Variants in TLCD3B observed in about 807,000 individuals in gnomAD.
The protein encoded by TLCD3B is TLC domain containing 3B, also known as ceramide synthase.
TLCD3B carries 9 observed loss-of-function variants against 23.0 expected under a neutral mutation model. The ratio of observed to expected loss-of-function variants is 0.39; its 90% CI spans 0.24 to 0.68. The LOEUF is 0.68. Ranked by LOEUF, TLCD3B falls within the 30% of genes least tolerant of loss-of-function variation. TLCD3B has a pLI of 0.44. For missense variants in TLCD3B, 307 were observed against 371.8 expected, an observed-to-expected ratio of 0.83 and a Z score of 1.43; for synonymous variants, 161 against 161.0, an observed-to-expected ratio of 1.00 and a Z score of 0.00.
chr16:30,042,018 C>T (rs1041895517), intron 2 of TLCD3B, among the ~76,000 whole-genome samples: 2 of 152,246 alleles, frequency 1.3e-5, no homozygotes, highest in Middle Eastern at 3.4e-3. Flanking sequence ...CATTATTGTT[C>T]CCCTAAGGAG....
Position 30,030,659 on chromosome 16 carries a change from G to T in TLCD3B, c.-132C>A. The T allele has an allele frequency of 7.4e-7, 1 of 1,356,840 alleles. No individual in the cohort carries two copies. The highest frequency in any genetic ancestry group is 9.5e-7 in the Non-Finnish European group (1 of 1,056,176). 84.1% of individuals were successfully genotyped at this position (1,356,840 alleles called of 1,614,324 possible). A position where few individuals can be genotyped will look rare whatever the true frequency, so the allele number is the denominator to read the frequency against. The stretch of plus-strand genomic sequence containing the variant: ...AGAAAACGATGAGAAGGGGCACAAA[G>T]GGGCCAGGGCGGGGACGGGATGGGG... On this transcript the variant is annotated 5_prime_UTR_variant, in exon 1 of 5. Transcript: ENST00000380495.
chr16:30,043,067 T>C (rs1183566976), intron 2 of TLCD3B, among the ~76,000 whole-genome samples: 1 of 151,844 alleles, frequency 6.6e-6, no homozygotes, highest in Non-Finnish European at 1.5e-5. Flanking sequence ...ACCACTGCAC[T>C]CCAGCCTGGT....
At chr16:30,030,024 C>T (rs1450298171) in intron 1 of TLCD3B, 2 of 1,331,148 alleles carry the variant, frequency 1.5e-6, no homozygotes, top group Non-Finnish European at 2.0e-6. Flanking sequence ...AGAGTTGTAC[C>T]ATCCACTCCT....
At chr16:30,036,089 TC>T, upstream of TLCD3B, 1 of 1,221,154 alleles carries the variant, frequency 8.2e-7, no homozygotes, top group South Asian at 1.5e-5. Flanking sequence ...TCCACCATTT[TC>T]CATCTTCTGC....
At position 30,029,958 on chromosome 16, in the gene TLCD3B, T is replaced by C. The variant is rs2071303974; in HGVS notation, c.126-443A>G. 4 of 1,153,134 alleles carry C rather than the reference T, an allele frequency of 3.5e-6. No individual in the cohort carries two copies. The African/African-American group carries it at 6.3e-5, about 18-fold the overall frequency. 71.4% of individuals were successfully genotyped at this position (1,153,134 alleles called of 1,614,324 possible). On this transcript the variant is annotated intron_variant, in intron 1 of 4. Transcript: ENST00000380495. The surrounding 1 kb of genome is among the most constrained non-coding windows in gnomAD (Gnocchi z 4.6). ...CCGAGTTCCCCAGTCACTTTCCCAC[T>C]GTCTCCTGACTGCCACCAGCCTCCA...
At chr16:30,042,818 G>A (rs556137134) in intron 2 of TLCD3B, among the ~76,000 whole-genome samples, 1 of 152,174 alleles carries the variant, frequency 6.6e-6, no homozygotes, top group Non-Finnish European at 1.5e-5. Flanking sequence ...CAAACATTAG[G>A]CCAGGCACAG....
At chr16:30,040,299 A>G (rs1053739396) in intron 3 of TLCD3B, among the ~76,000 whole-genome samples, 5 of 151,974 alleles carry the variant, frequency 3.3e-5, no homozygotes, top group Admixed American at 3.3e-4. Context: ...CACGGTAGCC[A>G]GTAGCCAGTT....
At chr16:30,027,015 C>G (rs1277049078) in intron 2 of TLCD3B, 172 bp from the exon 3 acceptor site, 1 of 697,792 alleles carries the variant, frequency 1.4e-6, no homozygotes, top group Non-Finnish European at 2.6e-6. Context: ...CACAGTCATG[C>G]AGCTAGTAAG....
chr16:30,043,177 C>T (rs947287391), intron 2 of TLCD3B, among the ~76,000 whole-genome samples: 1 of 152,124 alleles, frequency 6.6e-6, no homozygotes, highest in South Asian at 2.1e-4. Flanking sequence ...TATATATTAA[C>T]TAACATAATA....
chr16:30,050,419 A>G (rs2071732765), intron 1 of TLCD3B, among the ~76,000 whole-genome samples: 1 of 152,170 alleles, frequency 6.6e-6, no homozygotes, highest in African/African-American at 2.4e-5. Context: ...ATGCACCTGT[A>G]GTCTCAGCTA....
upstream of TLCD3B, among the ~76,000 whole-genome samples, chr16:30,035,005 G>A (rs1043266033): frequency 5.3e-5 from 8 of 150,910 alleles, no homozygotes; most frequent in African/African-American, 1.2e-4. Context: ...TCCACCTCCC[G>A]AGTTCATGTG....
At chr16:30,035,106 T>G, upstream of TLCD3B, 1 of 270,400 alleles carries the variant, frequency 3.7e-6, no homozygotes, top group South Asian at 3.6e-5. Context: ...CAGACAGGGT[T>G]TCACCATGTT....
intron 2 of TLCD3B, among the ~76,000 whole-genome samples, chr16:30,043,673 T>C (rs2150995675): frequency 6.6e-6 from 1 of 152,238 alleles, no homozygotes; most frequent in South Asian, 2.1e-4. Flanking sequence ...GTGCGTTTTG[T>C]TTTGTTTTTC....
At chr16:30,044,239 T>TG (rs1384443753) in intron 2 of TLCD3B, among the ~76,000 whole-genome samples, 2 of 152,000 alleles carry the variant, frequency 1.3e-5, no homozygotes, top group Admixed American at 1.3e-4. Flanking sequence ...TCAAGTGATC[T>TG]GCCTGCCTCA....
chr16:30,052,811 A>G (rs1276372128), exon 1 of TLCD3B: 1 of 152,190 alleles, frequency 6.6e-6, no homozygotes, highest in Non-Finnish European at 1.5e-5. Context: ...CCTTTTGCAG[A>G]TGCTCAGTGG....
intron 3 of TLCD3B, chr16:30,036,673 T>TG (rs777703717): frequency 3.1e-5 from 8 of 258,390 alleles, no homozygotes; most frequent in South Asian, 2.0e-4. Context: ...CTGTGGGGGC[T>TG]GGGGGGCGGT....
In TLCD3B at chr16:30,030,805, G is replaced by A; in HGVS notation, c.-278C>T. 8.3e-7 allele frequency: 1 copy of A among 1,201,572 alleles called. No individual in the cohort carries two copies. The highest frequency in any genetic ancestry group is 1.0e-6 in the Non-Finnish European group (1 of 967,998). The allele number at this position is 1,201,572 out of a possible 1,614,324, so 74.4% of individuals were successfully genotyped here. On this transcript the variant is annotated 5_prime_UTR_variant, in exon 1 of 5. Transcript: ENST00000380495. The stretch of plus-strand genomic sequence containing the variant: ...CGAGGGATGGGGAGAGGCAAAGAGG[G>A]GATGGCTTGGTGAGGGACAGAGAGG...
At chr16:30,047,083 C>T (rs1769918318) in intron 1 of TLCD3B, among the ~76,000 whole-genome samples, 1 of 152,098 alleles carries the variant, frequency 6.6e-6, no homozygotes, top group Admixed American at 6.6e-5. Flanking sequence ...TCTTCAGCCT[C>T]CTAAGTAGCT....
intron 1 of TLCD3B, chr16:30,030,048 C>T: frequency 7.4e-7 from 1 of 1,344,446 alleles, no homozygotes; most frequent in Non-Finnish European, 9.8e-7. Context: ...TCCCTGGCCC[C>T]CAAACACTCA....
Sources: gnomAD v4.1 joint callset for allele counts (sites outside exome capture counted in the v4.1 genomes callset) on GRCh38, gnomAD v4.1.1 for gene constraint, Gnocchi (gnomAD v3.1) non-coding constraint, MANE v1.5 for transcripts, NCBI Gene and HGNC (gene_info 2026-07-23, HGNC 2026-07-21) for gene names.